Variants in VPS8 observed in about 807,000 individuals in gnomAD.
The protein encoded by VPS8 is vacuolar protein sorting-associated protein 8 homolog.
VPS8 carries 129 observed loss-of-function variants against 216.4 expected under a neutral mutation model. That is an observed-to-expected ratio of 0.60 (90% CI 0.52 to 0.69). The LOEUF (loss-of-function observed/expected upper bound fraction) is 0.69. Among genes scored for constraint, VPS8 ranks in the 30% least tolerant of loss-of-function variants. VPS8 has a pLI of 0.00. For synonymous variants in VPS8, 571 were observed against 565.4 expected (o/e 1.01, Z -0.14); for missense variants, 1,531 against 1,683.5 (o/e 0.91, Z 1.59).
chr3:184,948,215 A>G (rs1420275505), intron 36 of VPS8, among the ~76,000 whole-genome samples: 2 of 90,018 alleles, frequency 2.2e-5, no homozygotes, highest in Non-Finnish European at 4.2e-5. Context: ...GATTGGCCAT[A>G]TAGGCTCTTT....
intron 11 of VPS8, among the ~76,000 whole-genome samples, chr3:184,853,087 C>T (rs1443551271): frequency 6.6e-6 from 1 of 152,112 alleles, no homozygotes; most frequent in Non-Finnish European, 1.5e-5. Context: ...TTGTGTTTCT[C>T]ATAGCTTCTA....
chr3:185,030,138 C>T (rs768372645), intron 46 of VPS8, among the ~76,000 whole-genome samples: 1 of 152,092 alleles, frequency 6.6e-6, no homozygotes. Context: ...TTGCAATGAA[C>T]TCCCCAGGAT....
rs541436565 is a variant in VPS8, at chr3:184,891,332, T to C, written c.1782-3371T>C. Among the ~76,000 whole-genome samples, 24 of 152,274 alleles carry C rather than the reference T, an allele frequency of 1.6e-4. No homozygotes were observed. In the East Asian group the frequency reaches 4.4e-3, roughly 28 times the overall value. On this transcript the variant is annotated intron_variant, in intron 22 of 47. Coordinates refer to ENST00000625842, the MANE Select transcript of VPS8 (RefSeq NM_001009921.3). Reference sequence around the variant, plus strand: ...CTCATGTTGTTCAACATCAGGACTATTGTTTGAGAAACAAAAAGATCTTAA... The same window carrying C: ...CTCATGTTGTTCAACATCAGGACTACTGTTTGAGAAACAAAAAGATCTTAA...
chr3:184,857,965 G>A (rs545042988), intron 14 of VPS8, among the ~76,000 whole-genome samples: 1 of 152,288 alleles, frequency 6.6e-6, no homozygotes, highest in African/African-American at 2.4e-5. Flanking sequence ...TCCACATGAA[G>A]GGCCCACATT....
chr3:184,926,960 T>A (rs952475173), intron 31 of VPS8, among the ~76,000 whole-genome samples: 1 of 152,196 alleles, frequency 6.6e-6, no homozygotes, highest in Middle Eastern at 3.2e-3. Context: ...ATTGGCATCA[T>A]TAATCTGGTA....
intron 46 of VPS8, among the ~76,000 whole-genome samples, chr3:185,031,002 C>A (rs542180887): frequency 4.7e-5 from 7 of 147,604 alleles, no homozygotes; most frequent in Non-Finnish European, 8.9e-5. Context: ...AGTCTTGCTG[C>A]TCATGTCAGC....
At chr3:185,008,908 A>G (rs1479163253) in intron 45 of VPS8, among the ~76,000 whole-genome samples, 7 of 152,254 alleles carry the variant, frequency 4.6e-5, no homozygotes, top group Non-Finnish European at 8.8e-5. Context: ...CTTAATTGAC[A>G]TAAAGGGAAA....
intron 42 of VPS8, among the ~76,000 whole-genome samples, chr3:184,987,363 C>T (rs1262833660): frequency 6.6e-6 from 1 of 151,450 alleles, no homozygotes. Flanking sequence ...ATCTGCCCAC[C>T]TCTGCCTCCC....
intron 18 of VPS8, chr3:184,868,263 T>A (rs1007203122): frequency 1.3e-5 from 7 of 520,906 alleles, no homozygotes; most frequent in Non-Finnish European, 2.4e-5. Context: ...TATTAGAAAA[T>A]TCAAAATAAT....
rs528044646 is a variant in VPS8, at chr3:184,870,818, T to C, written c.1734+13T>C. ...GCAGCATTTTCAGGTACACATTGCA[T>C]GTGCTTCCAGTAGACGATGCTCTGG... On this transcript the variant is annotated intron_variant, in intron 21 of 47. Transcript: ENST00000625842. 2.5e-6 allele frequency: 4 copies of C among 1,604,472 alleles called. No homozygotes were observed. The highest frequency in any genetic ancestry group is 3.4e-6 in the Non-Finnish European group (4 of 1,174,134).
At chr3:184,839,777 T>A (rs1721775643) in intron 7 of VPS8, 25 bp downstream of exon 7, 2 of 1,573,752 alleles carry the variant, frequency 1.3e-6, no homozygotes, top group East Asian at 4.6e-5. Context: ...GCTTTCCTGC[T>A]TTTAAATATT....
intron 46 of VPS8, among the ~76,000 whole-genome samples, chr3:185,037,421 A>G (rs772775152): frequency 2.6e-5 from 4 of 152,130 alleles, no homozygotes; most frequent in African/African-American, 2.4e-5. Flanking sequence ...ACTTTCAGAT[A>G]TATTATTATG....
At chr3:184,948,965 A>C (rs1170025778) in intron 36 of VPS8, among the ~76,000 whole-genome samples, 1 of 152,188 alleles carries the variant, frequency 6.6e-6, no homozygotes, top group Non-Finnish European at 1.5e-5. Context: ...AGAACAATAT[A>C]TACTTTCTTT....
chr3:184,953,423 TA>T (rs1403284680), intron 36 of VPS8, among the ~76,000 whole-genome samples: 2 of 152,146 alleles, frequency 1.3e-5, no homozygotes, highest in Non-Finnish European at 2.9e-5. Flanking sequence ...TGCAGTTGGT[TA>T]AGGAAGCAAG....
intron 45 of VPS8, among the ~76,000 whole-genome samples, chr3:185,015,103 T>C (rs1208151220): frequency 2.6e-5 from 4 of 152,232 alleles, no homozygotes; most frequent in African/African-American, 7.2e-5. Flanking sequence ...AATGCACCAT[T>C]TGGCAAGTTG....
intron 45 of VPS8, among the ~76,000 whole-genome samples, chr3:185,003,000 T>C (rs1410756853): frequency 6.6e-6 from 1 of 152,212 alleles, no homozygotes; most frequent in Non-Finnish European, 1.5e-5. Flanking sequence ...GTAGTTCTAC[T>C]TTTAGTTCTT....
rs1729883379 is a variant in VPS8, at chr3:184,879,416, T to A, written c.1735-6694T>A. 2.0e-5 allele frequency among the ~76,000 whole-genome samples: 3 copies of A among 152,314 alleles called. No individual in the cohort carries two copies. In the South Asian group the frequency reaches 6.2e-4, roughly 32 times the overall value. On this transcript the variant is annotated intron_variant, in intron 21 of 47. Coordinates refer to ENST00000625842, the MANE Select transcript of VPS8 (RefSeq NM_001009921.3). ...GTGATTTCTTGCATCCTGCAAGCTT[T>A]TGAGACTGAGTAGAATATTCTTAAT...
At chr3:184,952,016 G>C (rs1169712513) in intron 36 of VPS8, among the ~76,000 whole-genome samples, 1 of 152,150 alleles carries the variant, frequency 6.6e-6, no homozygotes, top group Non-Finnish European at 1.5e-5. Flanking sequence ...AAAGAATTAA[G>C]TACTGTTATT....
chr3:184,857,281 G>A (rs1454020378), intron 14 of VPS8, among the ~76,000 whole-genome samples: 1 of 152,248 alleles, frequency 6.6e-6, no homozygotes, highest in South Asian at 2.1e-4. Flanking sequence ...CCAGCCGTCT[G>A]TTTTTATAAA....
Sources: gnomAD v4.1 joint callset for allele counts (sites outside exome capture counted in the v4.1 genomes callset) on GRCh38, gnomAD v4.1.1 for gene constraint, MANE v1.5 for transcripts, NCBI Gene and HGNC (gene_info 2026-07-23, HGNC 2026-07-21) for gene names.